The following ADARB2 variants were observed in gnomAD, a reference collection of about 807,000 sequenced individuals.
ADARB2 encodes adenosine deaminase RNA specific B2 (inactive).
In ADARB2, 25 loss-of-function variants were observed where a neutral mutation model predicts 62.2. The observed-to-expected ratio is 0.40, with a 90% CI of 0.29 to 0.56. The LOEUF is 0.56. Ranked by LOEUF, ADARB2 falls within the 20% of genes least tolerant of loss-of-function variation. The pLI is 0.43. For missense variants in ADARB2, 1,071 were observed against 1,077.4 expected (o/e 0.99, Z 0.08); for synonymous variants, 572 against 500.8 (o/e 1.14, Z -1.90).
intron 1 of ADARB2, among the ~76,000 whole-genome samples, chr10:1,501,286 T>A (rs1831765939): frequency 1.3e-5 from 2 of 152,190 alleles, no homozygotes; most frequent in Non-Finnish European, 2.9e-5. Context: ...GTTTTGAGTC[T>A]CCTGGAATTG....
intron 1 of ADARB2, among the ~76,000 whole-genome samples, chr10:1,691,026 T>C (rs1291470320): frequency 3.3e-5 from 5 of 152,162 alleles, no homozygotes; most frequent in African/African-American, 4.8e-5. Context: ...TATTATGGGC[T>C]GAATGGTGTC....
At chr10:1,618,802 C>T (rs1048023814) in intron 1 of ADARB2, among the ~76,000 whole-genome samples, 15 of 152,152 alleles carry the variant, frequency 9.9e-5, no homozygotes, top group African/African-American at 3.4e-4. Context: ...ATCATTGTGG[C>T]AGGCTCAACA....
intron 1 of ADARB2, among the ~76,000 whole-genome samples, chr10:1,447,932 G>A (rs910659354): frequency 2.6e-5 from 4 of 152,144 alleles, no homozygotes; most frequent in African/African-American, 9.7e-5. Context: ...TAGCTGCATA[G>A]TATTGCATGG....
chr10:1,665,289 G>A (rs756002112), intron 1 of ADARB2, among the ~76,000 whole-genome samples: 4 of 152,238 alleles, frequency 2.6e-5, no homozygotes, highest in South Asian at 2.1e-4. Flanking sequence ...CTTCACCGCC[G>A]TTTCCAGCTC....
intron 1 of ADARB2, among the ~76,000 whole-genome samples, chr10:1,455,009 T>C (rs899622540): frequency 2.0e-5 from 3 of 152,244 alleles, no homozygotes; most frequent in East Asian, 1.9e-4. Flanking sequence ...TGTAGAAATT[T>C]GCTTACGAAA....
chr10:1,347,375 T>C (rs1181003567), intron 3 of ADARB2, among the ~76,000 whole-genome samples: 1 of 152,212 alleles, frequency 6.6e-6, no homozygotes, highest in Non-Finnish European at 1.5e-5. Context: ...CGTTTCATTC[T>C]CCCAGCTGCT....
chr10:1,185,643 C>T (rs1008288804), intron 8 of ADARB2, among the ~76,000 whole-genome samples: 13 of 152,188 alleles, frequency 8.5e-5, no homozygotes, highest in African/African-American at 2.9e-4. Context: ...TCGAAAGTTA[C>T]GAAGAATTTC....
At chr10:1,581,223 G>T (rs1833092898) in intron 1 of ADARB2, among the ~76,000 whole-genome samples, 1 of 152,226 alleles carries the variant, frequency 6.6e-6, no homozygotes, top group African/African-American at 2.4e-5. Flanking sequence ...TGTTCAAGGT[G>T]CGGGGAAGAA....
intron 3 of ADARB2, among the ~76,000 whole-genome samples, chr10:1,326,951 ACAGCGCCTCCCCACGGCC>A (rs1831860615): frequency 4.8e-4 from 8 of 16,588 alleles, no homozygotes; most frequent in Non-Finnish European, 7.2e-4. Context: ...TCCCCACGGC[ACAGCGCCTCCCCACGGCC>A]CAGCGCCTCC....
At chr10:1,292,448 A>C (rs1336272068) in intron 3 of ADARB2, 1 of 152,140 alleles carries the variant, frequency 6.6e-6, no homozygotes, top group Non-Finnish European at 1.5e-5. Context: ...TTCTCTACTG[A>C]GTGATTTTCT....
At chr10:1,563,626 C>CT (rs137871175) in intron 1 of ADARB2, among the ~76,000 whole-genome samples, 104 of 149,832 alleles carry the variant, frequency 6.9e-4, no homozygotes, top group African/African-American at 1.5e-3. Flanking sequence ...TTTCATTTTA[C>CT]TTTTTTTTTT....
intron 1 of ADARB2, among the ~76,000 whole-genome samples, chr10:1,713,578 G>GGT (rs1834978858): frequency 1.3e-5 from 2 of 152,138 alleles, no homozygotes; most frequent in African/African-American, 4.8e-5. Flanking sequence ...AAGAGCATTG[G>GGT]CAAAGCCACA....
chr10:1,717,669 C>T (rs1409577782), intron 1 of ADARB2, among the ~76,000 whole-genome samples: 1 of 151,988 alleles, frequency 6.6e-6, no homozygotes, highest in Non-Finnish European at 1.5e-5. Context: ...CCTCCTCCTC[C>T]CGGGTTCAGG....
chr10:1,216,169 G>C (rs1830618097), intron 7 of ADARB2: 1 of 151,706 alleles, frequency 6.6e-6, no homozygotes, highest in Admixed American at 6.6e-5. Flanking sequence ...GGAGGTCTTG[G>C]GGCATCAGAC....
chr10:1,434,499 C>T (rs537466831), intron 1 of ADARB2, among the ~76,000 whole-genome samples: 6 of 152,270 alleles, frequency 3.9e-5, no homozygotes, highest in Admixed American at 1.3e-4. Flanking sequence ...CCTTATACAA[C>T]GGCTGGAATA....
At chr10:1,430,710 A>G (rs926793829) in intron 1 of ADARB2, among the ~76,000 whole-genome samples, 14 of 151,884 alleles carry the variant, frequency 9.2e-5, no homozygotes, top group Non-Finnish European at 1.8e-4. Context: ...TCTGCACTCC[A>G]ACCTGGGTGA....
Position 1,662,936 on chromosome 10 carries a change from C to T in ADARB2, c.100+74115G>A, listed in dbSNP as rs79443052. Among the ~76,000 whole-genome samples the T allele has an allele frequency of 8.9e-4, 135 of 152,276 alleles. 1 individual carries two copies. The East Asian group carries it at 0.021, about 24-fold the overall frequency. ...ATGTGGCCTGGGAGCATCAGCAGAA[C>T]GCCAGGGTGTGACCCAGAGAACTGC... On this transcript the variant is annotated intron_variant, in intron 1 of 9. Transcript: ENST00000381312.
intron 1 of ADARB2, among the ~76,000 whole-genome samples, chr10:1,513,175 T>C (rs184746071): frequency 4.6e-4 from 70 of 152,346 alleles, no homozygotes; most frequent in Non-Finnish European, 7.1e-4. Context: ...AAACATCGTG[T>C]TGTACACCTT....
chr10:1,448,576 G>C (rs1281096652), intron 1 of ADARB2, among the ~76,000 whole-genome samples: 1 of 152,202 alleles, frequency 6.6e-6, no homozygotes, highest in Non-Finnish European at 1.5e-5. Flanking sequence ...AGTTTTCACA[G>C]ATCATTTGCA....
Sources: gnomAD v4.1 joint callset for allele counts (sites outside exome capture counted in the v4.1 genomes callset) on GRCh38, gnomAD v4.1.1 for gene constraint, MANE v1.5 for transcripts, NCBI Gene and HGNC (gene_info 2026-07-23, HGNC 2026-07-21) for gene names.